Variants in NEK11 observed in about 807,000 individuals in gnomAD.
NEK11 encodes the protein serine/threonine-protein kinase Nek11.
In NEK11, 72 loss-of-function variants were observed where a neutral mutation model predicts 80.7. The observed-to-expected ratio is 0.89, with a 90% CI of 0.74 to 1.08. NEK11 has a LOEUF of 1.08. NEK11 is among the 50% of genes least tolerant of loss of function. NEK11 has a pLI of 0.00. For synonymous variants in NEK11, 251 were observed against 260.7 expected (o/e 0.96, Z 0.36); for missense variants, 764 against 763.6 (o/e 1.00, Z -0.01).
chr3:131,347,846 G>A (rs1023458740), intron 17 of NEK11, among the ~76,000 whole-genome samples: 5 of 151,918 alleles, frequency 3.3e-5, no homozygotes, highest in Admixed American at 1.3e-4. Context: ...GGCTGAGGCA[G>A]GAGAATCGCT....
chr3:131,108,729 TAGGATAGAGCTTAACTAA>T (rs2079582854), intron 4 of NEK11, among the ~76,000 whole-genome samples: 1 of 152,056 alleles, frequency 6.6e-6, no homozygotes, highest in Non-Finnish European at 1.5e-5. Flanking sequence ...CAGTGAATGA[TAGGATAGAGCTTAACTAA>T]ATGCTTAAAC....
rs2093386151 is a variant in NEK11 at position 131,182,094 on chromosome 3, AC to A, written c.1399+11209del. The stretch of plus-strand genomic sequence containing the variant: ...TGTAAGTGAGAGATCCCCTAGAATC[AC>A]CTGTCAAACTCTTTCATTTTTTGAA... On this transcript the variant is annotated intron_variant, in intron 14 of 17. Coordinates refer to ENST00000383366, the MANE Select transcript of NEK11 (RefSeq NM_024800.5). Among the ~76,000 whole-genome samples, 4 of 151,220 alleles carry A rather than the reference AC, an allele frequency of 2.6e-5. No individual in the cohort carries two copies. The South Asian group carries it at 8.3e-4, about 31-fold the overall frequency.
intron 4 of NEK11, among the ~76,000 whole-genome samples, chr3:131,087,598 A>G (rs2076172510): frequency 6.6e-6 from 1 of 151,982 alleles, no homozygotes; most frequent in African/African-American, 2.4e-5. Context: ...TACTTTCCGA[A>G]CTGATTGTAC....
Position 131,029,690 on chromosome 3 carries a change from TTC to T in NEK11, c.-13_-12del. On this transcript the variant is annotated 5_prime_UTR_variant, in exon 3 of 18. Coordinates refer to ENST00000383366, the MANE Select transcript of NEK11 (RefSeq NM_024800.5). ...AAGTTTCTATAAATGAATGAACCAG[TTC>T]TCTCTTGTTTGGAGCAATGCTGAAA... 1 of 1,611,120 alleles carries T rather than the reference TTC, an allele frequency of 6.2e-7. No individual in the cohort carries two copies.
rs747975075 is a variant in NEK11, at chr3:131,054,786, AAATAAATGAATG to A, written c.170+24912_170+24923del. 7.4e-3 allele frequency among the ~76,000 whole-genome samples: 1,054 copies of A among 143,280 alleles called. 6 individuals carry two copies. The highest frequency in any genetic ancestry group is 0.021 in the Middle Eastern group (6 of 288). 94.0% of individuals were successfully genotyped at this position (143,280 alleles called of 152,430 possible). The stretch of plus-strand genomic sequence containing the variant: ...TAAATAAATAAATAAATAAATAAAT[AAATAAATGAATG>A]AATGTACCCGGTAGATATGGAATTG... On this transcript the variant is annotated intron_variant, in intron 3 of 17. Coordinates refer to ENST00000383366, the MANE Select transcript of NEK11 (RefSeq NM_024800.5).
chr3:131,113,521 C>A (rs2149376922), intron 5 of NEK11, among the ~76,000 whole-genome samples: 1 of 152,240 alleles, frequency 6.6e-6, no homozygotes. Context: ...GAACTAGTGG[C>A]TGCTGTGGGT....
At chr3:131,112,715 C>T (rs1270386736) in intron 5 of NEK11, among the ~76,000 whole-genome samples, 2 of 152,106 alleles carry the variant, frequency 1.3e-5, no homozygotes, top group Non-Finnish European at 2.9e-5. Flanking sequence ...AGGTAGGTTT[C>T]AAGTATGATG....
At chr3:131,192,659 A>G (rs1370319809) in intron 14 of NEK11, among the ~76,000 whole-genome samples, 1 of 152,200 alleles carries the variant, frequency 6.6e-6, no homozygotes. Flanking sequence ...TGAAGACATT[A>G]TGCTACATGC....
intron 14 of NEK11, among the ~76,000 whole-genome samples, chr3:131,203,767 G>GTGTA (rs1560949416): frequency 1.7e-4 from 9 of 54,202 alleles, no homozygotes; most frequent in Non-Finnish European, 3.6e-4. Flanking sequence ...GTGTGTGTGT[G>GTGTA]TATATATATA....
intron 10 of NEK11, among the ~76,000 whole-genome samples, chr3:131,158,634 CACCACCAGCAGG>C (rs1226396034): frequency 5.9e-5 from 9 of 152,338 alleles, no homozygotes; most frequent in African/African-American, 1.9e-4. Context: ...GTGCTAACAC[CACCACCAGCAGG>C]ACCACATGCA....
At chr3:131,045,799 A>G (rs1415498791) in intron 3 of NEK11, among the ~76,000 whole-genome samples, 1 of 152,064 alleles carries the variant, frequency 6.6e-6, no homozygotes, top group African/African-American at 2.4e-5. Flanking sequence ...TGTTGGGTGC[A>G]TGTATGTTTA....
chr3:131,158,888 G>T (rs1288856402), intron 10 of NEK11, among the ~76,000 whole-genome samples: 1 of 152,204 alleles, frequency 6.6e-6, no homozygotes, highest in Non-Finnish European at 1.5e-5. Flanking sequence ...ATCCATCAGA[G>T]TGTAGTGACC....
intron 17 of NEK11, chr3:131,327,625 G>A (rs1406512578): frequency 6.6e-6 from 1 of 151,822 alleles, no homozygotes; most frequent in Non-Finnish European, 1.5e-5. Flanking sequence ...TTATACATAT[G>A]TGGATCTCCA....
At position 131,269,288 on chromosome 3, in the gene NEK11, G is replaced by A. The variant is rs113707939; in HGVS notation, c.1622-4190G>A. 2.0e-3 allele frequency among the ~76,000 whole-genome samples: 308 copies of A among 152,294 alleles called. 2 individuals carry two copies. The highest frequency in any genetic ancestry group is 6.7e-3 in the African/African-American group (280 of 41,560). On this transcript the variant is annotated intron_variant, in intron 16 of 17. Transcript: ENST00000383366. ...CCAGGGAAGTGAACGATTTTGTCTC[G>A]CTGGCATTCCAGGTGCCACTGGAGT...
rs1157968998 is a variant in NEK11, at chr3:131,281,551, T to C, written c.1718+7977T>C. Among the ~76,000 whole-genome samples, 3 of 152,342 alleles carry C rather than the reference T, an allele frequency of 2.0e-5. No homozygotes were observed. The East Asian group carries it at 5.8e-4, about 29-fold the overall frequency. The stretch of plus-strand genomic sequence containing the variant: ...TGCAGTCTTTCGCTAGTACGAATAG[T>C]GCTGTAATTAATAGCCTTGCACATT... On this transcript the variant is annotated intron_variant, in intron 17 of 17. Transcript: ENST00000383366.
At chr3:131,068,516 CAA>C (rs370411604) in intron 3 of NEK11, among the ~76,000 whole-genome samples, 356 of 152,216 alleles carry the variant, frequency 2.3e-3, no homozygotes, top group African/African-American at 8.1e-3. Context: ...TCTCTAGAAA[CAA>C]AACTCATAGA....
chr3:131,226,751 G>A (rs1163473165), intron 14 of NEK11, among the ~76,000 whole-genome samples: 1 of 151,968 alleles, frequency 6.6e-6, no homozygotes, highest in Admixed American at 6.6e-5. Context: ...CGGTGAGGGT[G>A]CACTAAAATC....
intron 4 of NEK11, among the ~76,000 whole-genome samples, chr3:131,085,042 C>T (rs954618553): frequency 1.3e-5 from 2 of 152,220 alleles, no homozygotes; most frequent in Admixed American, 1.3e-4. Context: ...GAGAGTCTGG[C>T]CCTGTAGTGA....
At chr3:131,349,132 T>A (rs1394032704) in intron 17 of NEK11, among the ~76,000 whole-genome samples, 1 of 152,194 alleles carries the variant, frequency 6.6e-6, no homozygotes, top group African/African-American at 2.4e-5. Flanking sequence ...CTGAGAGCTT[T>A]TGCTCAAATG....
Sources: allele counts gnomAD v4.1 joint callset (sites outside exome capture counted in the v4.1 genomes callset), GRCh38; gene constraint gnomAD v4.1.1; transcripts MANE v1.5; gene names NCBI Gene and HGNC (gene_info 2026-07-23, HGNC 2026-07-21).